The following IMMP2L variants were observed in gnomAD, a reference collection of about 807,000 sequenced individuals.
The protein encoded by IMMP2L is inner mitochondrial membrane peptidase subunit 2.
A neutral mutation model predicts 19.3 loss-of-function variants in IMMP2L; 18 were observed. The ratio of observed to expected loss-of-function variants is 0.93; its 90% CI spans 0.64 to 1.38. The LOEUF (loss-of-function observed/expected upper bound fraction) is 1.38, where lower values mean the gene tolerates loss of function less well. IMMP2L is among the 40% of genes most tolerant of loss of function. IMMP2L has a pLI of 0.00. For synonymous variants in IMMP2L, 76 were observed against 73.0 expected, an observed-to-expected ratio of 1.04 and a Z score of -0.21; for missense variants, 233 against 218.2, an observed-to-expected ratio of 1.07 and a Z score of -0.43.
chr7:111,423,042 C>G (rs1001265389), intron 3 of IMMP2L, among the ~76,000 whole-genome samples: 2 of 151,822 alleles, frequency 1.3e-5, no homozygotes, highest in Non-Finnish European at 2.9e-5. Flanking sequence ...ATATATTGAA[C>G]CAGCCTTGCA....
Position 111,184,835 on chromosome 7 carries a change from T to C in IMMP2L, c.240-221270A>G, listed in dbSNP as rs150682643. Among the ~76,000 whole-genome samples, 642 of 152,154 alleles carry C rather than the reference T, an allele frequency of 4.2e-3. 6 individuals carry two copies. The highest frequency in any genetic ancestry group is 0.02 in the Admixed American group (303 of 15,274). ...TCTGAATTTAGGAGTATTCAATGCATAGAAACCACTACGTCACCCAACCCA... is the reference window on the plus strand; with the variant it reads ...TCTGAATTTAGGAGTATTCAATGCACAGAAACCACTACGTCACCCAACCCA... On this transcript the variant is annotated intron_variant, in intron 3 of 5. Transcript: ENST00000405709.
chr7:110,846,357 T>G (rs929133457), intron 5 of IMMP2L, among the ~76,000 whole-genome samples: 4 of 127,082 alleles, frequency 3.1e-5, no homozygotes, highest in African/African-American at 1.1e-4. Context: ...TCTTTTTTTT[T>G]TTTTTTTTTT....
chr7:110,976,935 A>G (rs575659770), intron 3 of IMMP2L, among the ~76,000 whole-genome samples: 15 of 152,196 alleles, frequency 9.9e-5, no homozygotes, highest in Non-Finnish European at 1.8e-4. Context: ...CAATATTCTA[A>G]TTCCATATTT....
In IMMP2L at chr7:110,924,906, G is replaced by A. The variant is rs540954792; in HGVS notation, c.306-38211C>T. On this transcript the variant is annotated intron_variant, in intron 4 of 5. Coordinates refer to ENST00000405709, the MANE Select transcript of IMMP2L (RefSeq NM_032549.4). The surrounding 1 kb of genome is among the most constrained non-coding windows in gnomAD (Gnocchi z 4.2). ...TCAAGAAAATGGTATATTCAAAAAA[G>A]GTTATTTTCTGTTAAGAGAAAGATA... Among the ~76,000 whole-genome samples the A allele has an allele frequency of 2.2e-3, 337 of 152,116 alleles. 1 individual carries two copies. Among genetic ancestry groups the A allele is most frequent in the Non-Finnish European group, 3.9e-3 (268 of 67,980 alleles).
chr7:111,310,111 T>C (rs1009830682), intron 3 of IMMP2L, among the ~76,000 whole-genome samples: 3 of 151,890 alleles, frequency 2.0e-5, no homozygotes, highest in African/African-American at 7.3e-5. Context: ...GGTGTGTGCC[T>C]GTAATCCCAG....
chr7:110,940,462 C>T (rs1305509705), intron 4 of IMMP2L, among the ~76,000 whole-genome samples: 1 of 152,090 alleles, frequency 6.6e-6, no homozygotes, highest in Non-Finnish European at 1.5e-5. Flanking sequence ...TCAGAGATCT[C>T]ATTCAGCCAC....
intron 3 of IMMP2L, among the ~76,000 whole-genome samples, chr7:111,474,204 TAAAC>T (rs1193987332): frequency 2.0e-5 from 3 of 152,124 alleles, no homozygotes; most frequent in Admixed American, 6.5e-5. Flanking sequence ...AAAAGGTTGA[TAAAC>T]TAACTATTGG....
At chr7:110,688,384 A>C (rs1164169950) in intron 5 of IMMP2L, among the ~76,000 whole-genome samples, 3 of 152,148 alleles carry the variant, frequency 2.0e-5, no homozygotes, top group Admixed American at 6.6e-5. Context: ...AGCTAGGAAC[A>C]ACAAACTGCT....
Position 110,696,323 on chromosome 7 carries a change from G to A in IMMP2L, c.409-32602C>T, listed in dbSNP as rs79968553. On this transcript the variant is annotated intron_variant, in intron 5 of 5. Transcript: ENST00000405709. ...GGGAAAATTATTCTGGCAGGTATGT[G>A]TAAGAAGAAAAATGGACTACCAGCA... is the stretch of plus-strand genomic sequence containing the variant. Among the ~76,000 whole-genome samples, 914 of 151,816 alleles carry A rather than the reference G, an allele frequency of 6.0e-3. 5 individuals are homozygous for A. The highest frequency in any genetic ancestry group is 0.013 in the South Asian group (64 of 4,802).
intron 5 of IMMP2L, among the ~76,000 whole-genome samples, chr7:110,695,509 A>C (rs1277742407): frequency 6.6e-6 from 1 of 152,134 alleles, no homozygotes; most frequent in Non-Finnish European, 1.5e-5. Flanking sequence ...TGTTCACTTA[A>C]AGTGGATAAT....
intron 3 of IMMP2L, among the ~76,000 whole-genome samples, chr7:110,984,338 A>T (rs1719374727): frequency 6.6e-6 from 1 of 151,924 alleles, no homozygotes; most frequent in Non-Finnish European, 1.5e-5. Flanking sequence ...GGAAATCTGT[A>T]AAAGCAGACT....
intron 3 of IMMP2L, among the ~76,000 whole-genome samples, chr7:111,432,200 G>A (rs1209226667): frequency 6.6e-6 from 1 of 151,510 alleles, no homozygotes; most frequent in Admixed American, 6.6e-5. Context: ...AGGACACCCA[G>A]CTGGTGTCTG....
chr7:111,325,340 A>G (rs1584633560), intron 3 of IMMP2L, among the ~76,000 whole-genome samples: 1 of 151,706 alleles, frequency 6.6e-6, no homozygotes, highest in East Asian at 1.9e-4. Flanking sequence ...ATAAATAATA[A>G]CAGTATTTGG....
At chr7:111,532,659 A>G (rs1241000055) in intron 1 of IMMP2L, 2 of 152,190 alleles carry the variant, frequency 1.3e-5, no homozygotes, top group South Asian at 2.1e-4. Context: ...TTTAACCAGC[A>G]AACTTATAGC....
At chr7:110,717,950 T>C (rs1310045015) in intron 5 of IMMP2L, among the ~76,000 whole-genome samples, 2 of 152,128 alleles carry the variant, frequency 1.3e-5, no homozygotes. Context: ...CAGGTTTATA[T>C]GTAGGGAAGG....
At chr7:111,435,317 G>C (rs964961922) in intron 3 of IMMP2L, among the ~76,000 whole-genome samples, 6 of 151,834 alleles carry the variant, frequency 4.0e-5, no homozygotes, top group African/African-American at 1.5e-4. Flanking sequence ...TAAAGAAAAT[G>C]TGGTATATAT....
At chr7:110,769,313 A>G (rs1030189594) in intron 5 of IMMP2L, among the ~76,000 whole-genome samples, 45 of 152,302 alleles carry the variant, frequency 3.0e-4, no homozygotes, top group African/African-American at 9.4e-4. Flanking sequence ...TTCATCTGGC[A>G]TAACAGGAAT....
intron 3 of IMMP2L, among the ~76,000 whole-genome samples, chr7:110,998,659 A>T (rs1424419889): frequency 6.6e-6 from 1 of 152,196 alleles, no homozygotes; most frequent in Non-Finnish European, 1.5e-5. Flanking sequence ...GAATGACTGG[A>T]AAGTTGGACT....
chr7:111,049,118 CT>C lies in IMMP2L; in HGVS notation c.240-85554del, dbSNP rs1181540031. 5.8e-3 allele frequency among the ~76,000 whole-genome samples: 163 copies of C among 28,102 alleles called. 2 individuals carry two copies. The highest frequency in any genetic ancestry group is 0.012 in the African/African-American group (153 of 13,088). The allele number at this position is 28,102 out of a possible 152,430, so 18.4% of individuals were successfully genotyped here. On this transcript the variant is annotated intron_variant, in intron 3 of 5. Transcript: ENST00000405709. ...TAGGGCATTGATTTTTATGATACTT[CT>C]TTTTTTTTTTTTTTTTCTTTTTTTT...
Sources: allele counts gnomAD v4.1 joint callset (sites outside exome capture counted in the v4.1 genomes callset), GRCh38; gene constraint gnomAD v4.1.1; non-coding constraint Gnocchi (gnomAD v3.1); transcripts MANE v1.5; gene names NCBI Gene and HGNC (gene_info 2026-07-23, HGNC 2026-07-21).